Variants in KCNQ3 observed in about 807,000 individuals in gnomAD.
KCNQ3 encodes potassium voltage-gated channel subfamily KQT member 3.
In KCNQ3, 30 loss-of-function variants were observed where a neutral mutation model predicts 92.5. The ratio of observed to expected loss-of-function variants is 0.32; its 90% confidence interval spans 0.24 to 0.44. KCNQ3 has a LOEUF of 0.44. Among genes scored for constraint, KCNQ3 ranks in the 20% least tolerant of loss-of-function variants. The pLI, the probability that KCNQ3 is intolerant of heterozygous loss-of-function variation, is 1.00. For synonymous variants in KCNQ3, 450 were observed against 468.8 expected (o/e 0.96, Z 0.52); for missense variants, 913 against 1,140.3 (o/e 0.80, Z 2.87).
intron 1 of KCNQ3, among the ~76,000 whole-genome samples, chr8:132,246,043 G>C (rs1286855143): frequency 2.0e-5 from 3 of 152,104 alleles, no homozygotes; most frequent in Non-Finnish European, 2.9e-5. Context: ...AAACGAGAAG[G>C]CTTTCCTGAT....
At chr8:132,327,874 G>A (rs987080040) in intron 1 of KCNQ3, among the ~76,000 whole-genome samples, 5 of 152,090 alleles carry the variant, frequency 3.3e-5, no homozygotes, top group African/African-American at 1.2e-4. Flanking sequence ...GGGGCAGTCT[G>A]GGGTACAGAG....
At chr8:132,350,029 C>T (rs1228547498) in intron 1 of KCNQ3, among the ~76,000 whole-genome samples, 1 of 152,142 alleles carries the variant, frequency 6.6e-6, no homozygotes, top group Non-Finnish European at 1.5e-5. Flanking sequence ...TAAATGGAGC[C>T]TCTTTTGACA....
At chr8:132,163,656 T>C (rs1826058738) in intron 8 of KCNQ3, among the ~76,000 whole-genome samples, 162 bp from the exon 9 acceptor site, 1 of 152,176 alleles carries the variant, frequency 6.6e-6, no homozygotes, top group Admixed American at 6.5e-5. Flanking sequence ...GGAGGCGGGT[T>C]TACCCATCCA....
intron 1 of KCNQ3, among the ~76,000 whole-genome samples, chr8:132,278,622 C>T (rs138341085): frequency 1.8e-3 from 272 of 152,360 alleles, no homozygotes; most frequent in African/African-American, 6.5e-3. Flanking sequence ...GATCCACCTT[C>T]TTACTACTCC....
chr8:132,374,090 C>A (rs1586966139), intron 1 of KCNQ3, among the ~76,000 whole-genome samples: 1 of 152,112 alleles, frequency 6.6e-6, no homozygotes, highest in Non-Finnish European at 1.5e-5. Flanking sequence ...CAAACTCCCT[C>A]CTGTCAAGGA....
At chr8:132,319,275 C>T (rs1817831411) in intron 1 of KCNQ3, among the ~76,000 whole-genome samples, 1 of 152,080 alleles carries the variant, frequency 6.6e-6, no homozygotes. Flanking sequence ...CTTGTTTAAG[C>T]TCAGATCACT....
At chr8:132,292,379 G>A (rs752076253) in intron 1 of KCNQ3, among the ~76,000 whole-genome samples, 11 of 152,182 alleles carry the variant, frequency 7.2e-5, no homozygotes, top group Non-Finnish European at 1.3e-4. Flanking sequence ...CATCCCCACT[G>A]TGCAAATGAG....
intron 8 of KCNQ3, among the ~76,000 whole-genome samples, chr8:132,165,285 C>G (rs1253816561): frequency 6.6e-6 from 1 of 152,216 alleles, no homozygotes; most frequent in Non-Finnish European, 1.5e-5. Context: ...CTTCACTACC[C>G]TTATGATAGG....
chr8:132,310,905 A>G (rs950940867), intron 1 of KCNQ3, among the ~76,000 whole-genome samples: 2 of 152,062 alleles, frequency 1.3e-5, no homozygotes, highest in Non-Finnish European at 2.9e-5. Context: ...GATGTTCACT[A>G]TAAACAAATG....
At chr8:132,238,157 T>G (rs534901406) in intron 1 of KCNQ3, among the ~76,000 whole-genome samples, 14 of 152,028 alleles carry the variant, frequency 9.2e-5, no homozygotes, top group Admixed American at 2.0e-4. Flanking sequence ...TCCCTTTCGG[T>G]GCACTAAATT....
chr8:132,312,867 A>C (rs562025631), intron 1 of KCNQ3, among the ~76,000 whole-genome samples: 1 of 152,268 alleles, frequency 6.6e-6, no homozygotes, highest in African/African-American at 2.4e-5. Context: ...TTTTCTTTGT[A>C]AATTACCTAG....
At chr8:132,134,436 T>TTGAC in intron 12 of KCNQ3, 48 bp from the exon 13 acceptor site, 1 of 1,323,150 alleles carries the variant, frequency 7.6e-7, no homozygotes, top group Non-Finnish European at 1.1e-6. Context: ...GAGCTTTGTT[T>TTGAC]TGACAGGAAA....
intron 1 of KCNQ3, among the ~76,000 whole-genome samples, chr8:132,290,603 A>G (rs16904646): frequency 0.018 from 2,798 of 152,254 alleles, 83 homozygotes; most frequent in African/African-American, 0.064. Flanking sequence ...AAGTAAAGAC[A>G]TCAGGAAATA....
intron 1 of KCNQ3, among the ~76,000 whole-genome samples, chr8:132,397,949 T>C (rs188366880): frequency 8.2e-4 from 125 of 152,328 alleles, no homozygotes; most frequent in Non-Finnish European, 1.2e-3. Context: ...ATATCTACTA[T>C]AAAATATCTA....
Position 132,403,974 on chromosome 8 carries a change from G to A in KCNQ3, c.386+76173C>T, listed in dbSNP as rs149052130. On this transcript the variant is annotated intron_variant, in intron 1 of 14. Coordinates refer to ENST00000388996, the MANE Select transcript of KCNQ3 (RefSeq NM_004519.4). ...GGTACAACACCGCCCTCTCTCCAGG[G>A]CTCATCCTGAATCACTTCTCCCTGA... 3.5e-4 allele frequency among the ~76,000 whole-genome samples: 54 copies of A among 152,302 alleles called. 1 individual carries two copies. In the East Asian group the frequency reaches 4.4e-3, roughly 13 times the overall value.
At chr8:132,329,514 CAT>C (rs200128170) in intron 1 of KCNQ3, among the ~76,000 whole-genome samples, 2,524 of 152,302 alleles carry the variant, frequency 0.017, 68 homozygotes, top group African/African-American at 0.056. Flanking sequence ...AAAGGCGACA[CAT>C]GTCTTTCTGG....
chr8:132,190,054 G>T (rs556113421), intron 1 of KCNQ3, among the ~76,000 whole-genome samples: 1 of 152,172 alleles, frequency 6.6e-6, no homozygotes, highest in South Asian at 2.1e-4. Flanking sequence ...AGTTGGCATC[G>T]ATCCTGGCGC....
At chr8:132,303,869 T>C (rs1817334641) in intron 1 of KCNQ3, among the ~76,000 whole-genome samples, 1 of 150,026 alleles carries the variant, frequency 6.7e-6, no homozygotes, top group Non-Finnish European at 1.5e-5. Flanking sequence ...TATACACACA[T>C]ATATATACAC....
intron 9 of KCNQ3, among the ~76,000 whole-genome samples, chr8:132,154,650 T>C (rs1825751332): frequency 6.6e-6 from 1 of 152,184 alleles, no homozygotes; most frequent in Non-Finnish European, 1.5e-5. Context: ...GCAGGAAGTT[T>C]GTGCCGCTTG....
Sources: gnomAD v4.1 joint callset for allele counts (sites outside exome capture counted in the v4.1 genomes callset) on GRCh38, gnomAD v4.1.1 for gene constraint, MANE v1.5 for transcripts, NCBI Gene and HGNC (gene_info 2026-07-23, HGNC 2026-07-21) for gene names.